The following HIVEP2 variants were observed in gnomAD, a reference collection of about 807,000 sequenced individuals.
HIVEP2 encodes the protein HIVEP zinc finger 2.
HIVEP2 carries 14 observed loss-of-function variants against 180.7 expected under a neutral mutation model. The ratio of observed to expected loss-of-function variants is 0.08; its 90% confidence interval spans 0.05 to 0.12. The LOEUF (loss-of-function observed/expected upper bound fraction) is 0.12, where lower values mean the gene tolerates loss of function less well. Among genes scored for constraint, HIVEP2 ranks in the 10% least tolerant of loss-of-function variants. HIVEP2 has a pLI of 1.00. For synonymous variants in HIVEP2, 1,184 were observed against 1,136.4 expected (o/e 1.04, Z -0.84); for missense variants, 2,579 against 3,008.5 (o/e 0.86, Z 3.34).
At chr6:142,854,354 C>T (rs1582914830) in intron 1 of HIVEP2, among the ~76,000 whole-genome samples, 1 of 152,150 alleles carries the variant, frequency 6.6e-6, no homozygotes, top group African/African-American at 2.4e-5. Context: ...AAATGCCTAA[C>T]CATGCTGGAG....
chr6:142,921,601 A>T (rs1415125624), intron 1 of HIVEP2, among the ~76,000 whole-genome samples: 1 of 152,248 alleles, frequency 6.6e-6, no homozygotes, highest in Non-Finnish European at 1.5e-5. Flanking sequence ...TTTTTTAATT[A>T]TCATTATGAA....
chr6:142,813,547 T>G (rs534104916), intron 2 of HIVEP2, among the ~76,000 whole-genome samples: 8 of 151,900 alleles, frequency 5.3e-5, no homozygotes, highest in Non-Finnish European at 1.0e-4. Context: ...AGACATTATG[T>G]CTGGATGCTC....
chr6:142,924,972 T>C (rs1226017289), intron 1 of HIVEP2, among the ~76,000 whole-genome samples: 2 of 152,208 alleles, frequency 1.3e-5, no homozygotes, highest in African/African-American at 4.8e-5. Context: ...AATACTTTCA[T>C]AGTACCTTTG....
intron 2 of HIVEP2, among the ~76,000 whole-genome samples, chr6:142,827,877 T>C (rs1223573373): frequency 6.6e-6 from 1 of 152,226 alleles, no homozygotes; most frequent in Admixed American, 6.5e-5. Context: ...CTGAGGCTTA[T>C]ATAAACTTTG....
chr6:142,796,552 C>T (rs757114180), intron 2 of HIVEP2, among the ~76,000 whole-genome samples: 2 of 152,080 alleles, frequency 1.3e-5, no homozygotes, highest in African/African-American at 4.8e-5. Flanking sequence ...AAGTTTTCAT[C>T]ATCTGTTTAC....
intron 7 of HIVEP2, 82 bp downstream of exon 7, chr6:142,764,717 G>A (rs1775338620): frequency 1.1e-6 from 1 of 951,348 alleles, no homozygotes; most frequent in South Asian, 1.5e-5. Context: ...TATTGTTGAT[G>A]AAGGTTAGTT....
At chr6:142,831,282 G>A (rs1162503977) in intron 2 of HIVEP2, among the ~76,000 whole-genome samples, 2 of 152,238 alleles carry the variant, frequency 1.3e-5, no homozygotes, top group Non-Finnish European at 2.9e-5. Context: ...GGTCTGCGAT[G>A]CAGTGCCTTC....
intron 9 of HIVEP2, among the ~76,000 whole-genome samples, chr6:142,756,811 A>G (rs537836984): frequency 3.3e-5 from 5 of 151,118 alleles, no homozygotes; most frequent in East Asian, 3.9e-4. Context: ...CTATCTATCT[A>G]TCTATCTATC....
rs1224968227 is a variant in HIVEP2 at position 142,943,688 on chromosome 6, A to G, written c.-641+1411T>C. ...TTTTTAAAATGGCAGAAAAGGAAGGAGAAAAATCAGCTCAAATTTTCCATT... is the reference window on the plus strand; with the variant it reads ...TTTTTAAAATGGCAGAAAAGGAAGGGGAAAAATCAGCTCAAATTTTCCATT... On this transcript the variant is annotated intron_variant, in intron 1 of 9. Transcript: ENST00000367603. This position sits in a 1 kb window ranked among gnomAD's most constrained non-coding sequence, Gnocchi z 4.5. 6.6e-6 allele frequency among the ~76,000 whole-genome samples: 1 copy of G among 152,188 alleles called. No individual in the cohort carries two copies. Among genetic ancestry groups the G allele is most frequent in the African/African-American group, 2.4e-5 (1 of 41,444 alleles).
intron 6 of HIVEP2, 29 bp downstream of exon 6, chr6:142,768,353 C>T (rs1368863968): frequency 6.2e-7 from 1 of 1,600,886 alleles, no homozygotes; most frequent in Non-Finnish European, 8.5e-7. Flanking sequence ...TATAACTGCA[C>T]ATTTTACATT....
intron 4 of HIVEP2, 68 bp from the exon 5 acceptor site, chr6:142,775,193 ACCTAACT>A: frequency 1.5e-5 from 4 of 270,320 alleles, no homozygotes; most frequent in Non-Finnish European, 2.2e-5. Flanking sequence ...AAAAAAAAAA[ACCTAACT>A]AACCAACCAG....
At chr6:142,813,014 T>C (rs1288378223) in intron 2 of HIVEP2, among the ~76,000 whole-genome samples, 1 of 152,174 alleles carries the variant, frequency 6.6e-6, no homozygotes, top group African/African-American at 2.4e-5. Context: ...ATTCTGAGGC[T>C]CAGACAAAAT....
intron 2 of HIVEP2, among the ~76,000 whole-genome samples, chr6:142,792,143 C>G (rs1428796999): frequency 1.3e-5 from 2 of 152,130 alleles, no homozygotes; most frequent in African/African-American, 2.4e-5. Context: ...TTGGCAGACA[C>G]AGAGAGACAT....
chr6:142,807,182 G>C (rs1312481757), intron 2 of HIVEP2, among the ~76,000 whole-genome samples: 1 of 152,178 alleles, frequency 6.6e-6, no homozygotes, highest in Non-Finnish European at 1.5e-5. Context: ...GCAAGGAGGA[G>C]TCAACTTGGC....
intron 1 of HIVEP2, among the ~76,000 whole-genome samples, chr6:142,881,217 T>C (rs761844139): frequency 2.0e-5 from 3 of 152,294 alleles, no homozygotes; most frequent in Non-Finnish European, 4.4e-5. Context: ...AAGGAAACAA[T>C]TTTGGATATG....
intron 2 of HIVEP2, among the ~76,000 whole-genome samples, chr6:142,832,245 C>T (rs1017100721): frequency 1.0e-4 from 15 of 149,746 alleles, no homozygotes; most frequent in Middle Eastern, 3.5e-3. Context: ...AAAAACCTCA[C>T]AAGCAATTAT....
chr6:142,899,956 C>T (rs1448306775), intron 1 of HIVEP2, among the ~76,000 whole-genome samples: 1 of 152,118 alleles, frequency 6.6e-6, no homozygotes, highest in Non-Finnish European at 1.5e-5. Flanking sequence ...TGGTCTAAAC[C>T]TTAATAGAGA....
Position 142,759,980 on chromosome 6 carries a change from C to T in HIVEP2, c.6308G>A (p.Arg2103Lys). Reference protein sequence around the residue: ...EAALRREMSQRDVSPRRHLSP... With the variant: ...EAALRREMSQKDVSPRRHLSP... ...CAAATGCCTTCTTGGTGAAACATCT[C>T]TTTGGGACATCTCTCTTCTCAATGC... The change falls in exon 9 of 10, where the codon AGA becomes AAA. Residue 2103 changes from arginine (R) to lysine (K), a missense_variant. Transcript: ENST00000367603. The T allele has an allele frequency of 6.2e-7, 1 of 1,614,020 alleles. No individual in the cohort carries two copies. Among genetic ancestry groups the T allele is most frequent in the Non-Finnish European group, 8.5e-7 (1 of 1,180,004 alleles).
At chr6:142,869,460 A>C (rs1776234048) in intron 1 of HIVEP2, among the ~76,000 whole-genome samples, 1 of 152,218 alleles carries the variant, frequency 6.6e-6, no homozygotes. Flanking sequence ...GTTCAAATGT[A>C]ATACCCAAAT....
Sources: allele counts gnomAD v4.1 joint callset (sites outside exome capture counted in the v4.1 genomes callset), GRCh38; gene constraint gnomAD v4.1.1; non-coding constraint Gnocchi (gnomAD v3.1); transcripts MANE v1.5; gene names NCBI Gene and HGNC (gene_info 2026-07-23, HGNC 2026-07-21).